The following AKAP13 variants were observed in gnomAD, a reference collection of about 807,000 sequenced individuals.
The protein encoded by AKAP13 is A-kinase anchor protein 13.
In AKAP13, 80 loss-of-function variants were observed where a neutral mutation model predicts 264.5. That is an observed-to-expected ratio of 0.30 (90% CI 0.25 to 0.36). AKAP13 has a LOEUF of 0.36. AKAP13 is among the 10% of genes least tolerant of loss of function. AKAP13 has a pLI of 1.00. For synonymous variants in AKAP13, 1,380 were observed against 1,250.2 expected (o/e 1.10, Z -2.19); for missense variants, 3,712 against 3,435.2 (o/e 1.08, Z -2.01).
rs756612694 is a variant in AKAP13, at chr15:85,485,752, A to T, written c.32A>T (p.Tyr11Phe). The change falls in exon 2 of 37, where the codon TAT (tyrosine) becomes TTT (phenylalanine). Residue 11 changes from tyrosine to phenylalanine, a missense_variant and splice_region_variant. Transcript: ENST00000394518. ...CTTAATCCACAGCAAGCTCCCTTAT[A>T]TGTGAGTAAATCATGAGATTTCTTA... is the stretch of plus-strand genomic sequence containing the variant. MKLNPQQAPLYGDCVVTVLLA... is the reference protein window; with the variant it reads MKLNPQQAPLFGDCVVTVLLA... 1.2e-6 allele frequency: 2 copies of T among 1,612,448 alleles called. No individual in the cohort carries two copies. The highest frequency in any genetic ancestry group is 4.5e-5 in the East Asian group (2 of 44,860).
Position 85,579,407 on chromosome 15 carries a change from CAG to C in AKAP13, c.1345_1346del (p.Asp449LeufsTer15). On this transcript the variant is annotated frameshift_variant, in exon 7 of 37. Coordinates refer to ENST00000394518, the MANE Select transcript of AKAP13 (RefSeq NM_007200.5). LOFTEE classifies it high-confidence loss of function. The stretch of plus-strand genomic sequence containing the variant: ...CCTGAGCAGTGGAGATGCTGTGCTT[CAG>C]AGAGACTTGGTCATGGAGCCAGGCA... ...ESLSSGDAVL[Q>X]RDLVMEPGTA... The C allele has an allele frequency of 6.2e-7, 1 of 1,614,142 alleles. No homozygotes were observed. Among genetic ancestry groups the C allele is most frequent in the Non-Finnish European group, 8.5e-7 (1 of 1,179,980 alleles).
At chr15:85,483,647 A>AAAAAAAAAC (rs1193766908) in intron 1 of AKAP13, among the ~76,000 whole-genome samples, 2 of 149,354 alleles carry the variant, frequency 1.3e-5, no homozygotes, top group Non-Finnish European at 3.0e-5. Flanking sequence ...AAAAAAAAAA[A>AAAAAAAAAC]AAAACACCAA....
chr15:85,571,997 G>A (rs961064733), intron 5 of AKAP13, among the ~76,000 whole-genome samples: 3 of 152,232 alleles, frequency 2.0e-5, no homozygotes, highest in Admixed American at 1.3e-4. Context: ...GAAGGTGAGA[G>A]TGGGAGAGGT....
intron 2 of AKAP13, among the ~76,000 whole-genome samples, chr15:85,507,426 C>A (rs1160253197): frequency 6.6e-6 from 1 of 150,666 alleles, no homozygotes; most frequent in East Asian, 1.9e-4. Context: ...GCAGTAGTAA[C>A]CATATTTCCC....
At chr15:85,605,990 G>C (rs558320765) in intron 8 of AKAP13, among the ~76,000 whole-genome samples, 1 of 150,924 alleles carries the variant, frequency 6.6e-6, no homozygotes, top group Admixed American at 6.6e-5. Flanking sequence ...CAGAGTGGAT[G>C]CCCTTTAGTG....
intron 8 of AKAP13, among the ~76,000 whole-genome samples, chr15:85,611,128 T>C (rs2151390490): frequency 6.6e-6 from 1 of 152,378 alleles, no homozygotes; most frequent in South Asian, 2.1e-4. Flanking sequence ...ATCTTGTATT[T>C]GCATGACGTT....
intron 5 of AKAP13, among the ~76,000 whole-genome samples, chr15:85,569,817 C>T (rs116861486): frequency 6.6e-6 from 1 of 151,946 alleles, no homozygotes; most frequent in East Asian, 1.9e-4. Context: ...GTGGCTCACT[C>T]GTGTAATCCC....
chr15:85,738,558 A>G (rs2088710141), intron 33 of AKAP13, among the ~76,000 whole-genome samples: 1 of 152,034 alleles, frequency 6.6e-6, no homozygotes, highest in South Asian at 2.1e-4. Context: ...CCACTGAAAA[A>G]TAGCTACCGT....
intron 12 of AKAP13, among the ~76,000 whole-genome samples, chr15:85,663,141 C>G (rs528665068): frequency 6.6e-6 from 1 of 152,168 alleles, no homozygotes; most frequent in African/African-American, 2.4e-5. Context: ...GAAACCCCAT[C>G]TCTACTAAAA....
intron 7 of AKAP13, among the ~76,000 whole-genome samples, chr15:85,584,513 G>C (rs1177375740): frequency 6.6e-6 from 1 of 152,184 alleles, no homozygotes; most frequent in Admixed American, 6.5e-5. Context: ...GTTCTAAGGG[G>C]ATTGCTTAGT....
At chr15:85,714,971 A>G (rs1160531188) in intron 19 of AKAP13, among the ~76,000 whole-genome samples, 1 of 152,128 alleles carries the variant, frequency 6.6e-6, no homozygotes, top group Non-Finnish European at 1.5e-5. Flanking sequence ...CATTTCAAAA[A>G]AAAAAGAAAT....
At chr15:85,717,943 C>G in intron 21 of AKAP13, 64 bp from the exon 22 acceptor site, 1 of 1,531,746 alleles carries the variant, frequency 6.5e-7, no homozygotes, top group Non-Finnish European at 8.9e-7. Context: ...TGAGGAAAGT[C>G]CAACATAGGC....
At chr15:85,611,917 A>G (rs1261890920) in intron 8 of AKAP13, among the ~76,000 whole-genome samples, 4 of 152,118 alleles carry the variant, frequency 2.6e-5, no homozygotes, top group Non-Finnish European at 5.9e-5. Context: ...GTTAATTCCT[A>G]TTAAGTCTTC....
At chr15:85,458,040 T>G (rs1256584192) in intron 1 of AKAP13, among the ~76,000 whole-genome samples, 1 of 150,944 alleles carries the variant, frequency 6.6e-6, no homozygotes, top group Non-Finnish European at 1.5e-5. Context: ...CTCTAGAGGC[T>G]GAGGCAGGAG....
chr15:85,578,212 G>GTTCA (rs1195203283), intron 6 of AKAP13, among the ~76,000 whole-genome samples: 7 of 152,194 alleles, frequency 4.6e-5, no homozygotes, highest in African/African-American at 1.7e-4. Context: ...GAGCCCAGGA[G>GTTCA]TTCAAGGCTG....
chr15:85,398,096 C>G (rs2071208249), intron 1 of AKAP13, among the ~76,000 whole-genome samples: 1 of 152,106 alleles, frequency 6.6e-6, no homozygotes, highest in South Asian at 2.1e-4. Flanking sequence ...TACTCTAGAA[C>G]TTATACTCTG....
At chr15:85,648,875 T>C (rs1291728320) in intron 10 of AKAP13, among the ~76,000 whole-genome samples, 4 of 152,156 alleles carry the variant, frequency 2.6e-5, no homozygotes, top group African/African-American at 9.7e-5. Context: ...CATTTTATAC[T>C]AGACTGCTTA....
chr15:85,417,014 A>T (rs1596100413), intron 1 of AKAP13, among the ~76,000 whole-genome samples: 1 of 152,198 alleles, frequency 6.6e-6, no homozygotes, highest in Non-Finnish European at 1.5e-5. Flanking sequence ...ATTTTTATTC[A>T]CTAGTTTGTC....
At chr15:85,735,489 A>T (rs775694465) in intron 31 of AKAP13, 71 bp from the exon 32 acceptor site, 120 of 1,495,316 alleles carry the variant, frequency 8.0e-5, no homozygotes, top group Non-Finnish European at 1.0e-4. Context: ...CAAGATGCCT[A>T]TATGATATTC....
Sources: gnomAD v4.1 joint callset for allele counts (sites outside exome capture counted in the v4.1 genomes callset) on GRCh38, gnomAD v4.1.1 for gene constraint, MANE v1.5 for transcripts, NCBI Gene and HGNC (gene_info 2026-07-23, HGNC 2026-07-21) for gene names.